CRYL1: variants seen among roughly 807,000 people sequenced by gnomAD.
The protein encoded by CRYL1 is lambda-crystallin homolog.
In CRYL1, 29 loss-of-function variants were observed where a neutral mutation model predicts 36.6. The ratio of observed to expected loss-of-function variants is 0.79; its 90% confidence interval spans 0.59 to 1.08. The LOEUF is 1.08. Ranked by LOEUF, CRYL1 falls within the 50% of genes least tolerant of loss-of-function variation. The probability of loss-of-function intolerance (pLI) is 0.00; values close to 1 mark genes in which losing one functional copy is unlikely to be tolerated. For missense variants in CRYL1, 411 were observed against 407.9 expected (o/e 1.01, Z -0.06); for synonymous variants, 152 against 151.5 (o/e 1.00, Z -0.02).
intron 3 of CRYL1, among the ~76,000 whole-genome samples, chr13:20,460,381 T>C (rs2032783138): frequency 6.6e-6 from 1 of 152,188 alleles, no homozygotes; most frequent in Admixed American, 6.5e-5. Context: ...ATTGCCAAAT[T>C]ATTCTCTTAA....
chr13:20,414,374 C>T (rs1290968075), intron 5 of CRYL1, among the ~76,000 whole-genome samples: 1 of 152,034 alleles, frequency 6.6e-6, no homozygotes, highest in Admixed American at 6.6e-5. Flanking sequence ...GCTCACCCTA[C>T]AACCTACGGA....
intron 3 of CRYL1, among the ~76,000 whole-genome samples, chr13:20,447,497 T>G (rs1243854393): frequency 6.6e-6 from 1 of 151,830 alleles, no homozygotes; most frequent in Non-Finnish European, 1.5e-5. Flanking sequence ...CTCCTACTAC[T>G]AAATCAGAGC....
intron 3 of CRYL1, among the ~76,000 whole-genome samples, chr13:20,462,380 T>C (rs1284306564): frequency 6.6e-6 from 1 of 150,956 alleles, no homozygotes; most frequent in Non-Finnish European, 1.5e-5. Flanking sequence ...AAATAAACTA[T>C]GACAGGTTTG....
In CRYL1 at chr13:20,489,456, C is replaced by T. The variant is rs2033467664; in HGVS notation, c.190G>A (p.Gly64Ser). The change falls in exon 3 of 8, where the codon GGC (glycine) becomes AGC (serine). Residue 64 changes from glycine (G) to serine (S), a missense_variant. Gly to Ser is a moderately conservative substitution (Grantham distance 56). Coordinates refer to ENST00000298248, the MANE Select transcript of CRYL1 (RefSeq NM_015974.3). ...KLLEQAGSLKGSLSVEEQLSL... is the reference protein window; with the variant it reads ...KLLEQAGSLKSSLSVEEQLSL... ...AGCTGCTCTTCCACACTCAGGGAGC[C>T]TTTCAGAGAACCTGCCTGCTCCAGC... The T allele has an allele frequency of 6.2e-7, 1 of 1,613,624 alleles. No individual in the cohort carries two copies. The highest frequency in any genetic ancestry group is 8.5e-7 in the Non-Finnish European group (1 of 1,180,020).
At chr13:20,501,489 G>GA (rs1224626791) in intron 2 of CRYL1, among the ~76,000 whole-genome samples, 1 of 152,092 alleles carries the variant, frequency 6.6e-6, no homozygotes, top group East Asian at 1.9e-4. Context: ...ATTTCTTTCA[G>GA]AAATCTCAGT....
chr13:20,494,620 G>A (rs9579877), intron 2 of CRYL1, among the ~76,000 whole-genome samples: 3,043 of 152,280 alleles, frequency 0.02, 111 homozygotes, highest in African/African-American at 0.069. Flanking sequence ...CCAGCTGTGC[G>A]TCTTCAAACC....
intron 3 of CRYL1, among the ~76,000 whole-genome samples, chr13:20,487,723 G>A (rs184721720): frequency 3.4e-4 from 52 of 152,144 alleles, no homozygotes; most frequent in Admixed American, 1.4e-3. Flanking sequence ...AGGTTGCAAT[G>A]AGCCAAGATC....
chr13:20,431,265 A>G (rs1385068493), intron 5 of CRYL1: 1 of 985,290 alleles, frequency 1.0e-6, no homozygotes, highest in African/African-American at 1.7e-5. Flanking sequence ...CAAACAAGGA[A>G]CTGTGGAGCC....
chr13:20,469,826 T>C (rs551885113), intron 3 of CRYL1, among the ~76,000 whole-genome samples: 16 of 152,332 alleles, frequency 1.1e-4, no homozygotes, highest in African/African-American at 3.6e-4. Context: ...ATGGGAAGGC[T>C]TGCTGGCAAA....
At chr13:20,505,553 G>A (rs1263760533) in intron 2 of CRYL1, among the ~76,000 whole-genome samples, 2 of 152,092 alleles carry the variant, frequency 1.3e-5, no homozygotes, top group Non-Finnish European at 2.9e-5. Flanking sequence ...CAGGCTCTGG[G>A]GACAGGAAAC....
At chr13:20,480,242 G>GT (rs1283331763) in intron 3 of CRYL1, among the ~76,000 whole-genome samples, 1 of 152,066 alleles carries the variant, frequency 6.6e-6, no homozygotes, top group Non-Finnish European at 1.5e-5. Context: ...TTATCCGGGT[G>GT]TAGCAGTGGG....
chr13:20,505,277 A>T (rs1172344626), intron 2 of CRYL1, among the ~76,000 whole-genome samples: 1 of 151,164 alleles, frequency 6.6e-6, no homozygotes, highest in South Asian at 2.1e-4. Flanking sequence ...GAATTGCTTG[A>T]ACCCGGGAGG....
intron 3 of CRYL1, among the ~76,000 whole-genome samples, chr13:20,440,581 C>T (rs1047073861): frequency 1.2e-4 from 18 of 152,188 alleles, no homozygotes; most frequent in African/African-American, 1.4e-4. Context: ...CACACAACAG[C>T]ACCCCAGGCA....
chr13:20,490,440 G>T (rs1359087335), intron 2 of CRYL1, among the ~76,000 whole-genome samples: 2 of 152,094 alleles, frequency 1.3e-5, no homozygotes, highest in Non-Finnish European at 2.9e-5. Flanking sequence ...GCTGCCAGGG[G>T]CTGGAGGTTG....
At chr13:20,490,528 C>T (rs757965388) in intron 2 of CRYL1, among the ~76,000 whole-genome samples, 9 of 151,920 alleles carry the variant, frequency 5.9e-5, no homozygotes, top group Non-Finnish European at 1.2e-4. Flanking sequence ...TGAATGATGG[C>T]GATGGTAGCA....
intron 3 of CRYL1, among the ~76,000 whole-genome samples, chr13:20,464,885 A>C (rs561713056): frequency 6.8e-4 from 103 of 152,354 alleles, no homozygotes; most frequent in Non-Finnish European, 1.3e-4. Context: ...TCAGGACAAA[A>C]ACATGCTACA....
At chr13:20,430,235 GT>G (rs1392324604) in intron 5 of CRYL1, 3 of 984,232 alleles carry the variant, frequency 3.0e-6, no homozygotes, top group African/African-American at 1.7e-5. Context: ...AATTCTTTGG[GT>G]TTTACTCACA....
chr13:20,431,203 C>T (rs1470420681), intron 5 of CRYL1: 13 of 985,336 alleles, frequency 1.3e-5, no homozygotes, highest in Non-Finnish European at 1.4e-5. Context: ...GGGGCACAGT[C>T]AGCTTCCTGG....
At chr13:20,482,277 C>T (rs2033293151) in intron 3 of CRYL1, among the ~76,000 whole-genome samples, 1 of 152,154 alleles carries the variant, frequency 6.6e-6, no homozygotes, top group South Asian at 2.1e-4. Flanking sequence ...TCAGCTATTG[C>T]AGATTGTTCT....
Sources: gnomAD v4.1 joint callset for allele counts (sites outside exome capture counted in the v4.1 genomes callset) on GRCh38, gnomAD v4.1.1 for gene constraint, MANE v1.5 for transcripts, NCBI Gene and HGNC (gene_info 2026-07-23, HGNC 2026-07-21) for gene names.